LCA5L: variants seen among roughly 807,000 people sequenced by gnomAD.
LCA5L encodes lebercilin-like protein.
In LCA5L, 35 loss-of-function variants were observed where a neutral mutation model predicts 45.4. The ratio of observed to expected loss-of-function variants is 0.77; its 90% CI spans 0.59 to 1.02. LCA5L has a LOEUF of 1.02. Ranked by LOEUF, LCA5L falls within the 50% of genes least tolerant of loss-of-function variation. The pLI, the probability that LCA5L is intolerant of heterozygous loss-of-function variation, is 0.00. For synonymous variants in LCA5L, 233 were observed against 264.7 expected (o/e 0.88, Z 1.16); for missense variants, 668 against 761.6 (o/e 0.88, Z 1.45).
At position 39,444,170 on chromosome 21, in the gene LCA5L, C is replaced by T. The variant is rs1238714741; in HGVS notation, c.-281G>A. On this transcript the variant is annotated 5_prime_UTR_variant, in exon 2 of 11. Coordinates refer to ENST00000288350, the MANE Select transcript of LCA5L (RefSeq NM_152505.4). ...GATCAGCATACGGATGATCATTTGTCTGCATCTCAGTTTGCCTCTTTTGGT... is the reference window on the plus strand; with the variant it reads ...GATCAGCATACGGATGATCATTTGTTTGCATCTCAGTTTGCCTCTTTTGGT... The T allele has an allele frequency of 1.3e-5, 2 of 152,120 alleles. No homozygotes were observed. The highest frequency in any genetic ancestry group is 3.8e-4 in the East Asian group (2 of 5,198). 9.4% of individuals were successfully genotyped at this position (152,120 alleles called of 1,614,324 possible). A position where few individuals can be genotyped will look rare whatever the true frequency, so the allele number is the denominator to read the frequency against.
At chr21:39,414,738 C>CTGTGTGTGTGTGTGTGTGTGTG (rs763309098) in intron 7 of LCA5L, among the ~76,000 whole-genome samples, 33 of 107,364 alleles carry the variant, frequency 3.1e-4, no homozygotes, top group African/African-American at 1.1e-3. Context: ...CTCTCTCTCT[C>CTGTGTGTGTGTGTGTGTGTGTG]TCTCTGTGTG....
chr21:39,427,992 T>C lies in LCA5L; in HGVS notation c.322+180A>G. 7.9e-6 allele frequency: 4 copies of C among 505,002 alleles called. No homozygotes were observed. In the South Asian group the frequency reaches 1.1e-4, roughly 13 times the overall value. 31.3% of individuals were successfully genotyped at this position (505,002 alleles called of 1,614,324 possible). A position where few individuals can be genotyped will look rare whatever the true frequency, so the allele number is the denominator to read the frequency against. Reference sequence around the variant, plus strand: ...CTTTACATGTGAAGCCTTTCTGTTATTTTATAATTACTCTTAATTTCTCTA... The same window carrying C: ...CTTTACATGTGAAGCCTTTCTGTTACTTTATAATTACTCTTAATTTCTCTA... On this transcript the variant is annotated intron_variant, in intron 5 of 10. Coordinates refer to ENST00000288350, the MANE Select transcript of LCA5L (RefSeq NM_152505.4).
Position 39,423,160 on chromosome 21 carries a change from T to C in LCA5L, c.653A>G (p.Gln218Arg), listed in dbSNP as rs188261499. ...KNLRQLLRKSQEKERTLSRKL... is the reference protein window; with the variant it reads ...KNLRQLLRKSREKERTLSRKL... The stretch of plus-strand genomic sequence containing the variant: ...CCTAGATAGAGTTCTTTCCTTTTCC[T>C]GGGATTTCCTAAGTAGTTGCCTTAA... The change falls in exon 6 of 11, where the codon CAG (glutamine) becomes CGG (arginine). Residue 218 changes from glutamine to arginine, a missense_variant. By Grantham distance (43) the Gln-to-Arg change is conservative (BLOSUM62 1). Coordinates refer to ENST00000288350, the MANE Select transcript of LCA5L (RefSeq NM_152505.4). The C allele has an allele frequency of 6.2e-7, 1 of 1,613,664 alleles. No homozygotes were observed. The highest frequency in any genetic ancestry group is 2.2e-5 in the East Asian group (1 of 44,874).
intron 7 of LCA5L, among the ~76,000 whole-genome samples, chr21:39,413,340 G>C (rs1191605093): frequency 6.6e-6 from 1 of 152,150 alleles, no homozygotes; most frequent in Non-Finnish European, 1.5e-5. Flanking sequence ...AGACAACCTA[G>C]CATAAGACTG....
At chr21:39,423,889 T>TC (rs1472364527) in intron 5 of LCA5L, among the ~76,000 whole-genome samples, 1 of 152,194 alleles carries the variant, frequency 6.6e-6, no homozygotes, top group Non-Finnish European at 1.5e-5. Context: ...GTGCAGTGGC[T>TC]CATGTCTGTA....
intron 2 of LCA5L, chr21:39,439,066 G>A (rs2076557550): frequency 1.3e-5 from 2 of 152,290 alleles, no homozygotes; most frequent in East Asian, 3.9e-4. Context: ...ATTATCTTGA[G>A]TTATCCCAGA....
chr21:39,442,434 A>G (rs1188131897), intron 2 of LCA5L, among the ~76,000 whole-genome samples: 1 of 152,204 alleles, frequency 6.6e-6, no homozygotes, highest in Admixed American at 6.5e-5. Context: ...GAGGGGTGGC[A>G]TAATCAGCTC....
chr21:39,441,756 G>C (rs1247451965), intron 2 of LCA5L, among the ~76,000 whole-genome samples: 5 of 152,126 alleles, frequency 3.3e-5, no homozygotes, highest in African/African-American at 1.2e-4. Context: ...CTTTACACAA[G>C]TACCCGTTTT....
chr21:39,409,982 C>T lies in LCA5L; in HGVS notation c.1279G>A (p.Glu427Lys). The T allele has an allele frequency of 2.7e-6, 4 of 1,479,942 alleles. No homozygotes were observed. The highest frequency in any genetic ancestry group is 3.8e-6 in the Non-Finnish European group (4 of 1,064,974). The allele number at this position is 1,479,942 out of a possible 1,614,324, so 91.7% of individuals were successfully genotyped here. ...PKQEDSKRKY[E>K]DLSGEEKHLE... ...GACTTTAAAGAGTTAAAATTACCTT[C>T]ATATTTTCTCTTAGAATCCTCTTGC... is the stretch of plus-strand genomic sequence containing the variant. Residue 427 changes from glutamate to lysine, a missense_variant, in exon 10 of 11, where the codon GAA becomes AAA. Coordinates refer to ENST00000288350, the MANE Select transcript of LCA5L (RefSeq NM_152505.4). The surrounding 1 kb of genome is among the most constrained non-coding windows in gnomAD (Gnocchi z 4.2).
At chr21:39,413,705 A>G (rs963246854) in intron 7 of LCA5L, 1 of 152,264 alleles carries the variant, frequency 6.6e-6, no homozygotes, top group Non-Finnish European at 1.5e-5. Flanking sequence ...TGAAAAGTTG[A>G]TCAGGTGTAT....
At chr21:39,437,976 T>C (rs1173223320) in intron 2 of LCA5L, among the ~76,000 whole-genome samples, 2 of 152,218 alleles carry the variant, frequency 1.3e-5, no homozygotes, top group African/African-American at 4.8e-5. Flanking sequence ...ATGATCAATG[T>C]ATTCTCAATG....
chr21:39,428,395 TG>T lies in LCA5L; in HGVS notation c.98del (p.Pro33GlnfsTer29). The T allele has an allele frequency of 6.2e-7, 1 of 1,613,134 alleles. No homozygotes were observed. The highest frequency in any genetic ancestry group is 8.5e-7 in the Non-Finnish European group (1 of 1,179,620). On this transcript the variant is annotated frameshift_variant, in exon 5 of 11. Coordinates refer to ENST00000288350, the MANE Select transcript of LCA5L (RefSeq NM_152505.4). LOFTEE classifies it high-confidence loss of function. ...NRRSAACKRS[P>X]GTGDFSRNSN... ...TGTTCCGTGAAAAATCGCCTGTGCCTGGGCTTCTCTTGCATGCTGCAGACCT... is the reference window on the plus strand; with the variant it reads ...TGTTCCGTGAAAAATCGCCTGTGCCTGGCTTCTCTTGCATGCTGCAGACCT...
Position 39,415,142 on chromosome 21 carries a change from T to G in LCA5L, c.976-3340A>C, listed in dbSNP as rs183172293. On this transcript the variant is annotated intron_variant, in intron 7 of 10. Coordinates refer to ENST00000288350, the MANE Select transcript of LCA5L (RefSeq NM_152505.4). ...GTCTTGACTTCTTGGGCTCAAAAGA[T>G]CCTTCTGCCTCAACTTCCCAAAAAA... 3.6e-3 allele frequency among the ~76,000 whole-genome samples: 548 copies of G among 152,264 alleles called. 1 individual carries two copies. The highest frequency in any genetic ancestry group is 0.013 in the African/African-American group (524 of 41,550).
intron 3 of LCA5L, among the ~76,000 whole-genome samples, chr21:39,430,663 TC>T (rs942642984): frequency 6.6e-6 from 1 of 152,060 alleles, no homozygotes; most frequent in Non-Finnish European, 1.5e-5. Context: ...AGCAGTCACG[TC>T]CCCCCATCCC....
At chr21:39,419,333 T>G (rs2041862048) in intron 7 of LCA5L, among the ~76,000 whole-genome samples, 1 of 152,080 alleles carries the variant, frequency 6.6e-6, no homozygotes, top group South Asian at 2.1e-4. Flanking sequence ...GAGACCAGCC[T>G]GGGCAACACA....
intron 3 of LCA5L, among the ~76,000 whole-genome samples, chr21:39,429,682 G>C (rs2075443021): frequency 2.6e-5 from 4 of 152,078 alleles, no homozygotes; most frequent in Non-Finnish European, 5.9e-5. Flanking sequence ...TGTAGCGGTG[G>C]GCAGAAGCAG....
rs2040116691 is a variant in LCA5L, at chr21:39,411,729, TC to T, written c.1048del (p.Asp350ThrfsTer23). 1 of 1,497,774 alleles carries T rather than the reference TC, an allele frequency of 6.7e-7. No individual in the cohort carries two copies. The highest frequency in any genetic ancestry group is 1.4e-5 in the African/African-American group (1 of 72,258). The allele number at this position is 1,497,774 out of a possible 1,614,324, so 92.8% of individuals were successfully genotyped here. A position where few individuals can be genotyped will look rare whatever the true frequency, so the allele number is the denominator to read the frequency against. ...TAATTAAAACATACCTTTTGGATAGTCCTCTGTGTCATGTAAATTTTTAAGT... is the reference window on the plus strand; with the variant it reads ...TAATTAAAACATACCTTTTGGATAGTCTCTGTGTCATGTAAATTTTTAAGT... ...RILKNLHDTEDYPKVSSTKSV... is the reference protein window; with the variant it reads ...RILKNLHDTEXYPKVSSTKSV... On this transcript the variant is annotated frameshift_variant, in exon 8 of 11. Coordinates refer to ENST00000288350, the MANE Select transcript of LCA5L (RefSeq NM_152505.4). LOFTEE classifies it high-confidence loss of function.
Position 39,417,796 on chromosome 21 carries a change from C to T in LCA5L, c.975+2910G>A, listed in dbSNP as rs559178177. On this transcript the variant is annotated intron_variant, in intron 7 of 10. Transcript: ENST00000288350. Reference sequence around the variant, plus strand: ...TTAATTTTTTTTTGAGATGGAGTCTCGCTCTGTCGCCCAGGCTGGAGTGCG... The same window carrying T: ...TTAATTTTTTTTTGAGATGGAGTCTTGCTCTGTCGCCCAGGCTGGAGTGCG... Among the ~76,000 whole-genome samples, 84 of 152,024 alleles carry T rather than the reference C, an allele frequency of 5.5e-4. 1 individual carries two copies. The South Asian group carries it at 8.5e-3, about 15-fold the overall frequency.
chr21:39,420,522 CAAAAAAAA>C (rs397972848), intron 7 of LCA5L, among the ~76,000 whole-genome samples, 176 bp downstream of exon 7: 2 of 87,148 alleles, frequency 2.3e-5, no homozygotes, highest in Admixed American at 1.5e-4. Context: ...GATTCTATCT[CAAAAAAAA>C]AAAAAAAAAA....
Sources: allele counts gnomAD v4.1 joint callset (sites outside exome capture counted in the v4.1 genomes callset), GRCh38; gene constraint gnomAD v4.1.1; non-coding constraint Gnocchi (gnomAD v3.1); transcripts MANE v1.5; gene names NCBI Gene and HGNC (gene_info 2026-07-23, HGNC 2026-07-21).